The following MOB1A variants were observed in gnomAD, a reference collection of about 807,000 sequenced individuals.
The protein encoded by MOB1A is MOB kinase activator 1A, also known as MOB1 Mps One Binder homolog A.
In MOB1A, 10 loss-of-function variants were observed where a neutral mutation model predicts 25.1. The ratio of observed to expected loss-of-function variants is 0.40; its 90% CI spans 0.25 to 0.68. The LOEUF is 0.68. Among genes scored for constraint, MOB1A ranks in the 30% least tolerant of loss-of-function variants. MOB1A has a pLI of 0.40. For synonymous variants in MOB1A, 81 were observed against 79.5 expected (o/e 1.02, Z -0.10); for missense variants, 177 against 256.3 (o/e 0.69, Z 2.11).
Position 74,152,868 on chromosome 2 carries a change from G to C in MOB1A, c.*3700C>G, listed in dbSNP as rs893705939. ...ATCCATTTGGATCTACAGAATACTTGTTTGGAACAGAATCTGATAATGAGA... is the reference window on the plus strand; with the variant it reads ...ATCCATTTGGATCTACAGAATACTTCTTTGGAACAGAATCTGATAATGAGA... On this transcript the variant is annotated 3_prime_UTR_variant, in exon 6 of 6. Coordinates refer to ENST00000396049, the MANE Select transcript of MOB1A (RefSeq NM_018221.5). 1.3e-5 allele frequency: 2 copies of C among 152,310 alleles called. No individual in the cohort carries two copies. Among genetic ancestry groups the C allele is most frequent in the Admixed American group, 1.3e-4 (2 of 15,300 alleles). 9.4% of individuals were successfully genotyped at this position (152,310 alleles called of 1,614,324 possible). A position where few individuals can be genotyped will look rare whatever the true frequency, so the allele number is the denominator to read the frequency against.
intron 4 of MOB1A, among the ~76,000 whole-genome samples, chr2:74,161,187 AT>A (rs1692960551): frequency 6.6e-6 from 1 of 151,966 alleles, no homozygotes; most frequent in Admixed American, 6.6e-5. Context: ...CTTTCCTTGC[AT>A]TTTTTTCCCA....
chr2:74,175,610 G>T (rs1410867334), intron 1 of MOB1A, among the ~76,000 whole-genome samples: 3 of 152,184 alleles, frequency 2.0e-5, no homozygotes, highest in African/African-American at 7.2e-5. Context: ...ATATGGATAA[G>T]AATTTTTTTC....
intron 4 of MOB1A, among the ~76,000 whole-genome samples, chr2:74,163,386 A>G (rs975552801): frequency 1.2e-4 from 18 of 152,210 alleles, no homozygotes; most frequent in African/African-American, 4.1e-4. Context: ...CTGTAATTCC[A>G]ACACTTTTGG....
rs1212524347 is a variant in MOB1A, at chr2:74,165,220, A to C, written c.407T>G (p.Ile136Ser). The change falls in exon 4 of 6, where the codon ATT becomes AGT. Residue 136 changes from isoleucine to serine, a missense_variant and splice_region_variant. By Grantham distance (142) the Ile-to-Ser change is moderately radical (BLOSUM62 -2). Coordinates refer to ENST00000396049, the MANE Select transcript of MOB1A (RefSeq NM_018221.5). ...ATACTTCGACAATGTTAACTCACCAATCTTAGAAGGAAAAAGAGTTTCATC... is the reference window on the plus strand; with the variant it reads ...ATACTTCGACAATGTTAACTCACCACTCTTAGAAGGAAAAAGAGTTTCATC... ...LDDETLFPSKIGVPFPKNFMS... is the reference protein window; with the variant it reads ...LDDETLFPSKSGVPFPKNFMS... The C allele has an allele frequency of 2.0e-6, 3 of 1,530,694 alleles. No individual in the cohort carries two copies. The highest frequency in any genetic ancestry group is 2.6e-6 in the Non-Finnish European group (3 of 1,137,382). 94.8% of individuals were successfully genotyped at this position (1,530,694 alleles called of 1,614,324 possible).
rs371943599 is a variant in MOB1A at position 74,159,121 on chromosome 2, G to T, written c.543C>A (p.Thr181=). Residue 181 remains threonine (T), a synonymous_variant, in exon 5 of 6, where the codon ACC becomes ACA. Coordinates refer to ENST00000396049, the MANE Select transcript of MOB1A (RefSeq NM_018221.5). ...CAAAGAAAATAAAGTGCTTAAAGGA[G>T]GTGTTGAGGTGGGCCTCCTCTTGCA... is the stretch of plus-strand genomic sequence containing the variant. ...MQLQEEAHLN[T]SFKHFIFFVQ... 248 of 1,613,864 alleles carry T rather than the reference G, an allele frequency of 1.5e-4. No individual in the cohort carries two copies. The highest frequency in any genetic ancestry group is 2.1e-4 in the Non-Finnish European group (242 of 1,179,890).
chr2:74,174,268 T>TC (rs1238251022), intron 1 of MOB1A, among the ~76,000 whole-genome samples: 1 of 84,630 alleles, frequency 1.2e-5, no homozygotes, highest in Non-Finnish European at 2.1e-5. Context: ...AGACTCCGTC[T>TC]CAAAAAAAAA....
chr2:74,161,313 G>A (rs1572956082), intron 4 of MOB1A, among the ~76,000 whole-genome samples: 2 of 152,154 alleles, frequency 1.3e-5, no homozygotes, highest in South Asian at 4.1e-4. Flanking sequence ...TTACAGGCAT[G>A]TTTTCCTGGG....
rs554048214 is a variant in MOB1A at position 74,153,290 on chromosome 2, T to C, written c.*3278A>G. On this transcript the variant is annotated 3_prime_UTR_variant, in exon 6 of 6. Coordinates refer to ENST00000396049, the MANE Select transcript of MOB1A (RefSeq NM_018221.5). ...TAATGCTTATGAGGTAATGATATTA[T>C]GTTTGAGAAGCTCTACTTCTAGTAT... 1 of 152,366 alleles carries C rather than the reference T, an allele frequency of 6.6e-6. No individual in the cohort carries two copies. Among genetic ancestry groups the C allele is most frequent in the South Asian group, 2.1e-4 (1 of 4,828 alleles). The allele number at this position is 152,366 out of a possible 1,614,324, so 9.4% of individuals were successfully genotyped here. A position where few individuals can be genotyped will look rare whatever the true frequency, so the allele number is the denominator to read the frequency against.
At position 74,166,916 on chromosome 2, in the gene MOB1A, T is replaced by C. The variant is rs1347992117; in HGVS notation, c.275+98A>G. On this transcript the variant is annotated intron_variant, in intron 3 of 5. Coordinates refer to ENST00000396049, the MANE Select transcript of MOB1A (RefSeq NM_018221.5). ...AAGAACCAATAAAACTGAATCACCTTCACACAAACGGATAACAAATCTTAA... is the reference window on the plus strand; with the variant it reads ...AAGAACCAATAAAACTGAATCACCTCCACACAAACGGATAACAAATCTTAA... The C allele has an allele frequency of 2.3e-5, 20 of 859,364 alleles. No homozygotes were observed. In the East Asian group the frequency reaches 5.0e-4, roughly 21 times the overall value. 53.2% of individuals were successfully genotyped at this position (859,364 alleles called of 1,614,324 possible). A position where few individuals can be genotyped will look rare whatever the true frequency, so the allele number is the denominator to read the frequency against.
chr2:74,176,205 T>C (rs1299600526), intron 1 of MOB1A, among the ~76,000 whole-genome samples: 1 of 121,294 alleles, frequency 8.2e-6, no homozygotes, highest in African/African-American at 3.3e-5. Flanking sequence ...GAACCCGGGA[T>C]GCAGAGGTTG....
At chr2:74,161,831 C>T (rs566280804) in intron 4 of MOB1A, among the ~76,000 whole-genome samples, 1 of 151,908 alleles carries the variant, frequency 6.6e-6, no homozygotes, top group African/African-American at 2.4e-5. Flanking sequence ...GGCACACGTG[C>T]CTGTGGTCTC....
rs904303918 is a variant in MOB1A at position 74,155,507 on chromosome 2, A to G, written c.*1061T>C. On this transcript the variant is annotated 3_prime_UTR_variant, in exon 6 of 6. Transcript: ENST00000396049. ...TGTGTTATAAGATGTGTACACCTTCATGGTTTATTGTGGTTTTCCTTAAGT... is the reference window on the plus strand; with the variant it reads ...TGTGTTATAAGATGTGTACACCTTCGTGGTTTATTGTGGTTTTCCTTAAGT... 1 of 152,630 alleles carries G rather than the reference A, an allele frequency of 6.6e-6. No individual in the cohort carries two copies. Among genetic ancestry groups the G allele is most frequent in the East Asian group, 1.9e-4 (1 of 5,204 alleles). 9.5% of individuals were successfully genotyped at this position (152,630 alleles called of 1,614,324 possible). A position where few individuals can be genotyped will look rare whatever the true frequency, so the allele number is the denominator to read the frequency against.
rs1462413207 is a variant in MOB1A at position 74,172,755 on chromosome 2, G to GT, written c.15-4dup. The GT allele has an allele frequency of 2.5e-6, 4 of 1,611,442 alleles. No individual in the cohort carries two copies. The highest frequency in any genetic ancestry group is 3.4e-6 in the Non-Finnish European group (4 of 1,178,642). On this transcript the variant is annotated splice_region_variant and splice_polypyrimidine_tract_variant and intron_variant, in intron 1 of 5. Coordinates refer to ENST00000396049, the MANE Select transcript of MOB1A (RefSeq NM_018221.5). Reference sequence around the variant, plus strand: ...ATGTTTTAGAAGAGCGGCTGCTGCTGTAAGATTAAAAGTGCAAGTATATGA... The same window carrying GT: ...ATGTTTTAGAAGAGCGGCTGCTGCTGTTAAGATTAAAAGTGCAAGTATATGA...
chr2:74,161,520 A>G (rs1449002239), intron 4 of MOB1A, among the ~76,000 whole-genome samples: 1 of 151,976 alleles, frequency 6.6e-6, no homozygotes, highest in African/African-American at 2.4e-5. Context: ...CGGCACCTGT[A>G]GTCCCAGCTA....
chr2:74,175,225 C>G (rs1432927876), intron 1 of MOB1A, among the ~76,000 whole-genome samples: 2 of 152,246 alleles, frequency 1.3e-5, no homozygotes, highest in African/African-American at 4.8e-5. Flanking sequence ...CTGTCACTCT[C>G]TCCCATTACC....
rs1469012687 is a variant in MOB1A at position 74,156,586 on chromosome 2, A to G, written c.633T>C (p.Leu211=). The change falls in exon 6 of 6, where the codon CTT becomes CTC. Residue 211 remains leucine (L), a synonymous_variant. Transcript: ENST00000396049. ...LAPLQELIEK[L]GSKDR The stretch of plus-strand genomic sequence containing the variant: ...GAAACATTTATCTGTCTTTTGATCC[A>G]AGTTTCTCTATTAATTCTTGAAGAG... The G allele has an allele frequency of 2.6e-6, 4 of 1,554,182 alleles. No individual in the cohort carries two copies. The East Asian group carries it at 7.2e-5, about 28-fold the overall frequency.
rs1244763275 is a variant in MOB1A, at chr2:74,153,650, G to A, written c.*2918C>T. On this transcript the variant is annotated 3_prime_UTR_variant, in exon 6 of 6. Coordinates refer to ENST00000396049, the MANE Select transcript of MOB1A (RefSeq NM_018221.5). ...ACTGTTTAAAAATCTGCACATCACT[G>A]TACAAGTGTTTTTTGAAGGCCTGAA... 1 of 152,206 alleles carries A rather than the reference G, an allele frequency of 6.6e-6. No homozygotes were observed. The highest frequency in any genetic ancestry group is 1.5e-5 in the Non-Finnish European group (1 of 68,040). The allele number at this position is 152,206 out of a possible 1,614,324, so 9.4% of individuals were successfully genotyped here. A position where few individuals can be genotyped will look rare whatever the true frequency, so the allele number is the denominator to read the frequency against.
chr2:74,174,092 C>T (rs1476808612), intron 1 of MOB1A, among the ~76,000 whole-genome samples: 1 of 145,538 alleles, frequency 6.9e-6, no homozygotes, highest in African/African-American at 2.6e-5. Context: ...ATGGTGAAAC[C>T]CCGTCTCCAC....
At chr2:74,169,439 C>A (rs1693220770) in intron 2 of MOB1A, among the ~76,000 whole-genome samples, 1 of 152,020 alleles carries the variant, frequency 6.6e-6, no homozygotes, top group South Asian at 2.1e-4. Context: ...GAGGCAGCTG[C>A]AGTGAGCCAA....
Sources: gnomAD v4.1 joint callset for allele counts (sites outside exome capture counted in the v4.1 genomes callset) on GRCh38, gnomAD v4.1.1 for gene constraint, MANE v1.5 for transcripts, NCBI Gene and HGNC (gene_info 2026-07-23, HGNC 2026-07-21) for gene names.